DPYD: variants seen among roughly 807,000 people sequenced by gnomAD.
The protein encoded by DPYD is dihydropyrimidine dehydrogenase [NADP(+)].
Under a neutral mutation model 116.2 loss-of-function variants are expected in DPYD, and 109 were observed. The observed-to-expected ratio is 0.94, with a 90% CI of 0.80 to 1.10. DPYD has a LOEUF of 1.10. Among genes scored for constraint, DPYD ranks in the 50% least tolerant of loss-of-function variants. The pLI is 0.00. For missense variants in DPYD, 1,302 were observed against 1,254.5 expected, an observed-to-expected ratio of 1.04 and a Z score of -0.57; for synonymous variants, 440 against 432.0, an observed-to-expected ratio of 1.02 and a Z score of -0.23.
chr1:97,793,150 C>T (rs1188789822), intron 3 of DPYD, among the ~76,000 whole-genome samples: 3 of 152,002 alleles, frequency 2.0e-5, no homozygotes, highest in Admixed American at 2.0e-4. Context: ...TTCTGTAACC[C>T]TAAAACTATT....
chr1:97,354,928 T>A (rs1399494452), intron 16 of DPYD, among the ~76,000 whole-genome samples: 1 of 152,204 alleles, frequency 6.6e-6, no homozygotes, highest in Non-Finnish European at 1.5e-5. Context: ...TTTCTTTATT[T>A]TTCATGTGGA....
At chr1:97,292,726 A>ACG (rs1175797651) in intron 18 of DPYD, among the ~76,000 whole-genome samples, 2 of 112,216 alleles carry the variant, frequency 1.8e-5, no homozygotes, top group East Asian at 4.2e-4. Flanking sequence ...GCGCGAGCAC[A>ACG]CACACACACA....
intron 13 of DPYD, among the ~76,000 whole-genome samples, chr1:97,484,790 C>T (rs1267874234): frequency 1.3e-5 from 2 of 152,120 alleles, no homozygotes; most frequent in African/African-American, 4.8e-5. Context: ...TCCAATATTT[C>T]TTCTTTGATT....
intron 2 of DPYD, among the ~76,000 whole-genome samples, chr1:97,866,521 G>A (rs1024704614): frequency 6.6e-6 from 1 of 151,846 alleles, no homozygotes; most frequent in Non-Finnish European, 1.5e-5. Flanking sequence ...GCCACGAGGT[G>A]CCAGGTATTG....
At chr1:97,409,391 G>A (rs1415300401) in intron 14 of DPYD, among the ~76,000 whole-genome samples, 1 of 152,112 alleles carries the variant, frequency 6.6e-6, no homozygotes, top group African/African-American at 2.4e-5. Context: ...GAGAACATGG[G>A]CTATGTCTTC....
rs116400029 is a variant in DPYD, at chr1:97,395,360, T to A, written c.1906-12899A>T. 7.7e-3 allele frequency among the ~76,000 whole-genome samples: 1,171 copies of A among 152,058 alleles called. 18 individuals carry two copies. The highest frequency in any genetic ancestry group is 0.027 in the African/African-American group (1,119 of 41,524). The stretch of plus-strand genomic sequence containing the variant: ...TTACAGTTTAGTACAGATTTTCACA[T>A]ACATTATCTCATTTATCCCCCACAA... On this transcript the variant is annotated intron_variant, in intron 14 of 22. Transcript: ENST00000370192.
chr1:97,834,387 A>C (rs1669669508), intron 2 of DPYD, among the ~76,000 whole-genome samples: 1 of 151,928 alleles, frequency 6.6e-6, no homozygotes, highest in Non-Finnish European at 1.5e-5. Context: ...TGAAAAAAAA[A>C]AGCCAATTCA....
chr1:97,640,740 C>G (rs1361685923), intron 8 of DPYD, among the ~76,000 whole-genome samples: 1 of 152,118 alleles, frequency 6.6e-6, no homozygotes, highest in Non-Finnish European at 1.5e-5. Flanking sequence ...TTTTCCACAA[C>G]TGCTACTGCC....
intron 10 of DPYD, among the ~76,000 whole-genome samples, chr1:97,588,017 A>ACAT (rs1654259956): frequency 6.6e-6 from 1 of 152,142 alleles, no homozygotes; most frequent in Non-Finnish European, 1.5e-5. Flanking sequence ...GGTAAAAGGC[A>ACAT]CATTCTTTTA....
At chr1:97,226,222 T>A (rs1041456906) in intron 19 of DPYD, among the ~76,000 whole-genome samples, 125 of 152,182 alleles carry the variant, frequency 8.2e-4, no homozygotes, top group African/African-American at 3.0e-3. Flanking sequence ...AAATTAGATA[T>A]ACAGGGAATG....
At chr1:97,439,554 G>A (rs1196473935) in intron 14 of DPYD, among the ~76,000 whole-genome samples, 1 of 152,070 alleles carries the variant, frequency 6.6e-6, no homozygotes. Context: ...AGAATCTGCA[G>A]TGATGTTATC....
At chr1:97,602,442 G>C (rs2102281317) in intron 8 of DPYD, among the ~76,000 whole-genome samples, 2 of 152,012 alleles carry the variant, frequency 1.3e-5, no homozygotes, top group South Asian at 4.1e-4. Context: ...AATGTATTAA[G>C]AAGTACAAGT....
At chr1:97,673,470 C>A (rs1400513524) in intron 8 of DPYD, among the ~76,000 whole-genome samples, 2 of 151,862 alleles carry the variant, frequency 1.3e-5, no homozygotes, top group Admixed American at 6.6e-5. Flanking sequence ...TTTTGGAAAA[C>A]AGTCAAAAGA....
chr1:97,637,501 C>T (rs905817979), intron 8 of DPYD, among the ~76,000 whole-genome samples: 6 of 150,132 alleles, frequency 4.0e-5, no homozygotes, highest in Non-Finnish European at 7.4e-5. Context: ...AAAAGTTTTC[C>T]CCCCCTCAAC....
chr1:97,834,546 A>G (rs1019767531), intron 2 of DPYD, among the ~76,000 whole-genome samples: 36 of 152,010 alleles, frequency 2.4e-4, no homozygotes, highest in Non-Finnish European at 4.7e-4. Flanking sequence ...AAGGGAAACC[A>G]CCACTCTTAT....
At chr1:97,721,063 G>T in intron 5 of DPYD, 1 of 1,259,828 alleles carries the variant, frequency 7.9e-7, no homozygotes, top group Non-Finnish European at 1.1e-6. Context: ...ACATTACTTA[G>T]TTTCAGGGTT....
chr1:97,369,764 C>T (rs1671222766), intron 16 of DPYD, among the ~76,000 whole-genome samples: 2 of 152,138 alleles, frequency 1.3e-5, no homozygotes. Context: ...GGAAGCGCAG[C>T]CTCCAGTATA....
At chr1:97,853,119 TC>T (rs1670649694) in intron 2 of DPYD, among the ~76,000 whole-genome samples, 1 of 152,150 alleles carries the variant, frequency 6.6e-6, no homozygotes, top group African/African-American at 2.4e-5. Flanking sequence ...TCTGTAGGTC[TC>T]CCTCCTGCAC....
rs140177522 is a variant in DPYD at position 97,348,280 on chromosome 1, A to C, written c.2058+25281T>G. 2.1e-3 allele frequency among the ~76,000 whole-genome samples: 321 copies of C among 152,270 alleles called. 1 individual carries two copies. The highest frequency in any genetic ancestry group is 7.4e-3 in the African/African-American group (308 of 41,566). ...TTTCATGTTCTGAATAATTCAATTA[A>C]AAGTCTGACAAAGCAATAACAAGGG... On this transcript the variant is annotated intron_variant, in intron 16 of 22. Coordinates refer to ENST00000370192, the MANE Select transcript of DPYD (RefSeq NM_000110.4).
Sources: gnomAD v4.1 joint callset for allele counts (sites outside exome capture counted in the v4.1 genomes callset) on GRCh38, gnomAD v4.1.1 for gene constraint, MANE v1.5 for transcripts, NCBI Gene and HGNC (gene_info 2026-07-23, HGNC 2026-07-21) for gene names.